The following INPP4B variants were observed in gnomAD, a reference collection of about 807,000 sequenced individuals.
INPP4B encodes the protein inositol polyphosphate 4-phosphatase type II.
INPP4B carries 55 observed loss-of-function variants against 122.5 expected under a neutral mutation model. The observed-to-expected ratio is 0.45, with a 90% CI of 0.36 to 0.56. INPP4B has a LOEUF of 0.56. Ranked by LOEUF, INPP4B falls within the 20% of genes least tolerant of loss-of-function variation. The pLI, the probability that INPP4B is intolerant of heterozygous loss-of-function variation, is 0.00. For missense variants in INPP4B, 1,000 were observed against 1,097.7 expected, an observed-to-expected ratio of 0.91 and a Z score of 1.26; for synonymous variants, 403 against 388.7, an observed-to-expected ratio of 1.04 and a Z score of -0.43.
chr4:142,802,857 T>C (rs1778181562), intron 1 of INPP4B, among the ~76,000 whole-genome samples: 1 of 151,890 alleles, frequency 6.6e-6, no homozygotes, highest in Admixed American at 6.6e-5. Flanking sequence ...TTGAACGCGG[T>C]ATCTGGTAGG....
chr4:142,711,035 A>T (rs1763052096), intron 2 of INPP4B, among the ~76,000 whole-genome samples: 1 of 152,218 alleles, frequency 6.6e-6, no homozygotes, highest in Non-Finnish European at 1.5e-5. Flanking sequence ...TATCTCTGCA[A>T]CATGTCCCTT....
chr4:142,704,001 G>A (rs1295244902), intron 2 of INPP4B, among the ~76,000 whole-genome samples: 5 of 152,198 alleles, frequency 3.3e-5, no homozygotes, highest in African/African-American at 1.2e-4. Flanking sequence ...AAATGGGGTG[G>A]TACCTCCCCA....
intron 2 of INPP4B, among the ~76,000 whole-genome samples, chr4:142,542,261 T>C (rs2150036347): frequency 6.6e-6 from 1 of 152,302 alleles, no homozygotes; most frequent in African/African-American, 2.4e-5. Flanking sequence ...TTAGAGTCCT[T>C]TTTATTCGTT....
At chr4:142,232,018 T>C (rs1854592509) in intron 12 of INPP4B, among the ~76,000 whole-genome samples, 1 of 152,166 alleles carries the variant, frequency 6.6e-6, no homozygotes, top group South Asian at 2.1e-4. Context: ...GCAAATATTG[T>C]CGATGAGTGC....
chr4:142,555,720 A>T (rs1045845059), intron 2 of INPP4B, among the ~76,000 whole-genome samples: 3 of 151,904 alleles, frequency 2.0e-5, no homozygotes, highest in Non-Finnish European at 2.9e-5. Context: ...TACAAAAAAA[A>T]ATTAGCCGGG....
chr4:142,665,085 ATAT>A (rs1222293981), intron 2 of INPP4B, among the ~76,000 whole-genome samples: 1 of 152,226 alleles, frequency 6.6e-6, no homozygotes, highest in Non-Finnish European at 1.5e-5. Flanking sequence ...TTAAAATATG[ATAT>A]TATAACCTCA....
chr4:142,712,937 T>C (rs1010260248), intron 2 of INPP4B, among the ~76,000 whole-genome samples: 1 of 152,174 alleles, frequency 6.6e-6, no homozygotes, highest in African/African-American at 2.4e-5. Flanking sequence ...AGGCTCTCCA[T>C]ATATCAGGTG....
intron 2 of INPP4B, among the ~76,000 whole-genome samples, chr4:142,569,212 AT>A (rs1214440117): frequency 6.6e-6 from 1 of 152,144 alleles, no homozygotes; most frequent in Non-Finnish European, 1.5e-5. Flanking sequence ...TAATATAAAA[AT>A]ATCACATTAT....
intron 18 of INPP4B, among the ~76,000 whole-genome samples, chr4:142,126,372 C>A (rs988093183): frequency 7.2e-5 from 11 of 152,024 alleles, no homozygotes; most frequent in Non-Finnish European, 1.5e-5. Context: ...ATCACAATCA[C>A]TATCGTACCA....
At chr4:142,400,138 ATATG>A (rs1241587136) in intron 7 of INPP4B, among the ~76,000 whole-genome samples, 1 of 152,210 alleles carries the variant, frequency 6.6e-6, no homozygotes, top group Admixed American at 6.5e-5. Flanking sequence ...TCTAGTACAA[ATATG>A]TATGCAAATG....
chr4:142,794,436 G>T (rs1286232625), intron 1 of INPP4B, among the ~76,000 whole-genome samples: 1 of 151,728 alleles, frequency 6.6e-6, no homozygotes, highest in Non-Finnish European at 1.5e-5. Flanking sequence ...CAAAGTGGAA[G>T]AAAAATCACA....
At chr4:142,532,558 T>C (rs1827742640) in intron 2 of INPP4B, among the ~76,000 whole-genome samples, 1 of 152,146 alleles carries the variant, frequency 6.6e-6, no homozygotes, top group African/African-American at 2.4e-5. Context: ...ATTTGAGTAA[T>C]GGCTGCCTCC....
At chr4:142,486,774 G>A (rs9998089) in intron 2 of INPP4B, among the ~76,000 whole-genome samples, 25,298 of 152,072 alleles carry the variant, frequency 0.17, 2,330 homozygotes, top group East Asian at 0.36. Context: ...TTTATCTAGT[G>A]AGAATAAAAG....
At chr4:142,820,397 C>T (rs62331922) in intron 1 of INPP4B, among the ~76,000 whole-genome samples, 19,400 of 151,962 alleles carry the variant, frequency 0.13, 1,971 homozygotes, top group African/African-American at 0.29. Context: ...TCCCCTCTTA[C>T]CATGTGATCT....
intron 1 of INPP4B, among the ~76,000 whole-genome samples, chr4:142,756,600 G>C (rs1487874565): frequency 6.6e-6 from 1 of 151,820 alleles, no homozygotes. Context: ...TTATAACTTA[G>C]AAAGGAAAGG....
chr4:142,468,705 C>T (rs1327009670), intron 2 of INPP4B, among the ~76,000 whole-genome samples: 1 of 152,162 alleles, frequency 6.6e-6, no homozygotes, highest in Non-Finnish European at 1.5e-5. Context: ...CTCCCCTTCC[C>T]CTTCCACCAT....
intron 2 of INPP4B, among the ~76,000 whole-genome samples, chr4:142,568,247 G>A (rs996395411): frequency 1.3e-5 from 2 of 151,128 alleles, no homozygotes; most frequent in Non-Finnish European, 2.9e-5. Flanking sequence ...TTCTCAAGTC[G>A]TTTCTTTCGT....
chr4:142,728,757 C>T (rs1765671392), intron 1 of INPP4B, among the ~76,000 whole-genome samples: 1 of 152,116 alleles, frequency 6.6e-6, no homozygotes, highest in Non-Finnish European at 1.5e-5. Flanking sequence ...TCTAGAGCCT[C>T]CGGAGAGAGC....
chr4:142,072,018 C>T (rs576538085), intron 25 of INPP4B, among the ~76,000 whole-genome samples: 39 of 152,220 alleles, frequency 2.6e-4, no homozygotes, highest in Non-Finnish European at 8.8e-5. Flanking sequence ...AATCATGCTG[C>T]TATAAAGACA....
Sources: allele counts gnomAD v4.1 joint callset (sites outside exome capture counted in the v4.1 genomes callset), GRCh38; gene constraint gnomAD v4.1.1; transcripts MANE v1.5; gene names NCBI Gene and HGNC (gene_info 2026-07-23, HGNC 2026-07-21).